The following HAO1 variants were observed in gnomAD, a reference collection of about 807,000 sequenced individuals.
HAO1 encodes hydroxyacid oxidase 1.
In HAO1, 34 loss-of-function variants were observed where a neutral mutation model predicts 39.7. That is an observed-to-expected ratio of 0.86 (90% confidence interval 0.65 to 1.14). The LOEUF (loss-of-function observed/expected upper bound fraction) is 1.14. Among genes scored for constraint, HAO1 ranks in the 50% most tolerant of loss-of-function variants. The pLI, the probability that HAO1 is intolerant of heterozygous loss-of-function variation, is 0.00. For synonymous variants in HAO1, 172 were observed against 173.2 expected (o/e 0.99, Z 0.05); for missense variants, 479 against 464.5 (o/e 1.03, Z -0.29).
chr20:7,934,019 G>A (rs76930042), intron 2 of HAO1, among the ~76,000 whole-genome samples: 3,433 of 152,290 alleles, frequency 0.023, 36 homozygotes, highest in South Asian at 0.035. Context: ...TGGTTTGGGG[G>A]AAGCAGGAGG....
At chr20:7,910,075 C>A (rs1309398567) in intron 3 of HAO1, among the ~76,000 whole-genome samples, 1 of 152,106 alleles carries the variant, frequency 6.6e-6, no homozygotes, top group Admixed American at 6.6e-5. Context: ...TATATTTTAT[C>A]GATTGAGTCA....
intron 4 of HAO1, 139 bp from the exon 5 acceptor site, chr20:7,895,363 C>T (rs2050192153): frequency 3.4e-6 from 2 of 588,616 alleles, no homozygotes; most frequent in Admixed American, 5.7e-5. Flanking sequence ...TAAAAGTATA[C>T]CCTAGGGTTA....
intron 2 of HAO1, among the ~76,000 whole-genome samples, chr20:7,919,215 C>T (rs2050320336): frequency 6.6e-6 from 1 of 152,204 alleles, no homozygotes; most frequent in African/African-American, 2.4e-5. Flanking sequence ...GGAGCCTACA[C>T]CATCAAGTAA....
chr20:7,903,898 GGTGGCA>G (rs1424058838), intron 4 of HAO1, among the ~76,000 whole-genome samples: 1 of 151,036 alleles, frequency 6.6e-6, no homozygotes, highest in African/African-American at 2.5e-5. Context: ...TGGTGGTGGT[GGTGGCA>G]GTGGTCCTAG....
chr20:7,936,869 T>C (rs1004089147), intron 1 of HAO1, among the ~76,000 whole-genome samples: 3 of 152,258 alleles, frequency 2.0e-5, no homozygotes, highest in African/African-American at 4.8e-5. Context: ...GTAACAACTA[T>C]GTCAGATAGC....
At chr20:7,893,553 G>GT (rs1030093422) in intron 5 of HAO1, among the ~76,000 whole-genome samples, 1 of 152,164 alleles carries the variant, frequency 6.6e-6, no homozygotes, top group African/African-American at 2.4e-5. Flanking sequence ...TGCTTGAGAT[G>GT]TTTTGCAGAC....
intron 5 of HAO1, among the ~76,000 whole-genome samples, chr20:7,892,835 G>T (rs890579793): frequency 4.6e-5 from 7 of 152,040 alleles, no homozygotes; most frequent in African/African-American, 7.2e-5. Flanking sequence ...GATATATAAA[G>T]TTTTGTTATA....
At chr20:7,900,957 C>A (rs543015130) in intron 4 of HAO1, among the ~76,000 whole-genome samples, 1 of 152,244 alleles carries the variant, frequency 6.6e-6, no homozygotes, top group South Asian at 2.1e-4. Flanking sequence ...AGCAAAGCAG[C>A]CTTATTGCTG....
chr20:7,909,379 GTATATATATA>G, intron 3 of HAO1, among the ~76,000 whole-genome samples: 1 of 108,220 alleles, frequency 9.2e-6, no homozygotes, highest in East Asian at 3.4e-4. Context: ...ATATATATAT[GTATATATATA>G]TATATATATA....
Position 7,883,480 on chromosome 20 carries a change from C to A in HAO1, c.*113G>T. The A allele has an allele frequency of 2.5e-6, 2 of 796,008 alleles. No homozygotes were observed. The highest frequency in any genetic ancestry group is 4.4e-6 in the Non-Finnish European group (2 of 450,310). 49.3% of individuals were successfully genotyped at this position (796,008 alleles called of 1,614,324 possible). A position where few individuals can be genotyped will look rare whatever the true frequency, so the allele number is the denominator to read the frequency against. On this transcript the variant is annotated 3_prime_UTR_variant, in exon 8 of 8. Transcript: ENST00000378789. The stretch of plus-strand genomic sequence containing the variant: ...CTATTTTGTTGGAAAAGAACGACAC[C>A]CTTTGTATTGAAGTGGGGAATTACA...
At chr20:7,937,742 G>A (rs931219171) in intron 1 of HAO1, among the ~76,000 whole-genome samples, 1 of 152,248 alleles carries the variant, frequency 6.6e-6, no homozygotes, top group East Asian at 1.9e-4. Context: ...ACTGTTCTTC[G>A]TTGAATTAAT....
chr20:7,939,198 G>C (rs1680840373), intron 1 of HAO1, among the ~76,000 whole-genome samples: 1 of 152,112 alleles, frequency 6.6e-6, no homozygotes, highest in African/African-American at 2.4e-5. Flanking sequence ...CCTGGCATTT[G>C]TTGAGCTCAT....
At chr20:7,891,565 CTT>C (rs2050174339) in intron 5 of HAO1, among the ~76,000 whole-genome samples, 1 of 152,106 alleles carries the variant, frequency 6.6e-6, no homozygotes, top group African/African-American at 2.4e-5. Flanking sequence ...AGCTATTTCT[CTT>C]TGTTTCTATT....
intron 5 of HAO1, among the ~76,000 whole-genome samples, chr20:7,890,723 A>C (rs1038430135): frequency 6.6e-6 from 1 of 151,720 alleles, no homozygotes; most frequent in Non-Finnish European, 1.5e-5. Context: ...CCAAGTCCCC[A>C]ATGTCCATTG....
chr20:7,924,687 A>G (rs747427160), intron 2 of HAO1, among the ~76,000 whole-genome samples: 1 of 152,156 alleles, frequency 6.6e-6, no homozygotes, highest in Non-Finnish European at 1.5e-5. Context: ...TTCTTTGAAA[A>G]TAATTCTCTT....
chr20:7,914,588 T>C (rs1190105043), intron 2 of HAO1, among the ~76,000 whole-genome samples, 169 bp from the exon 3 acceptor site: 6 of 152,230 alleles, frequency 3.9e-5, no homozygotes, highest in Non-Finnish European at 7.3e-5. Context: ...TTCCTGATTC[T>C]ACCTCCTCTG....
rs545750212 is a variant in HAO1, at chr20:7,923,920, C to G, written c.290-9501G>C. Among the ~76,000 whole-genome samples, 74 of 152,196 alleles carry G rather than the reference C, an allele frequency of 4.9e-4. 1 individual carries two copies. The highest frequency in any genetic ancestry group is 1.5e-3 in the African/African-American group (64 of 41,542). On this transcript the variant is annotated intron_variant, in intron 2 of 7. Transcript: ENST00000378789. ...TGTGATGTCCTGAGCAAAGTTGGGG[C>G]TCATTGAAAACGGGAGGGAAATATG...
At chr20:7,886,946 A>C (rs1322641341) in intron 5 of HAO1, among the ~76,000 whole-genome samples, 1 of 152,156 alleles carries the variant, frequency 6.6e-6, no homozygotes, top group Non-Finnish European at 1.5e-5. Context: ...CCCCAGGATA[A>C]ATATTCAGGA....
intron 3 of HAO1, 43 bp downstream of exon 3, chr20:7,914,121 G>T: frequency 1.2e-6 from 2 of 1,606,992 alleles, no homozygotes; most frequent in Non-Finnish European, 1.7e-6. Context: ...TCCCAGTCAA[G>T]ATCCCTTTCG....
Sources: allele counts gnomAD v4.1 joint callset (sites outside exome capture counted in the v4.1 genomes callset), GRCh38; gene constraint gnomAD v4.1.1; transcripts MANE v1.5; gene names NCBI Gene and HGNC (gene_info 2026-07-23, HGNC 2026-07-21).